The following ARHGEF26 variants were observed in gnomAD, a reference collection of about 807,000 sequenced individuals.
ARHGEF26 encodes Rho guanine nucleotide exchange factor (GEF) 26.
ARHGEF26 carries 59 observed loss-of-function variants against 89.4 expected under a neutral mutation model. The ratio of observed to expected loss-of-function variants is 0.66; its 90% confidence interval spans 0.54 to 0.82. The LOEUF (loss-of-function observed/expected upper bound fraction) is 0.82. ARHGEF26 is among the 40% of genes least tolerant of loss of function. ARHGEF26 has a pLI of 0.00. For synonymous variants in ARHGEF26, 500 were observed against 428.4 expected (o/e 1.17, Z -2.06); for missense variants, 1,234 against 1,085.6 (o/e 1.14, Z -1.92).
At position 154,144,809 on chromosome 3, in the gene ARHGEF26, A is replaced by G. The variant is rs1018543354; in HGVS notation, c.1270-4580A>G. Among the ~76,000 whole-genome samples, 29 of 152,242 alleles carry G rather than the reference A, an allele frequency of 1.9e-4. 1 individual carries two copies. Among genetic ancestry groups the G allele is most frequent in the Non-Finnish European group, 1.5e-5 (1 of 68,050 alleles). ...ACACTTTTTTGAGGATTATAGAATT[A>G]AGCTTAACAATAGGACATCAGAGAG... On this transcript the variant is annotated intron_variant, in intron 4 of 14. Transcript: ENST00000465093.
intron 12 of ARHGEF26, among the ~76,000 whole-genome samples, chr3:154,240,838 T>G (rs1419447519): frequency 6.6e-6 from 1 of 152,208 alleles, no homozygotes; most frequent in African/African-American, 2.4e-5. Context: ...GTCTTTATTT[T>G]TATAGAGTGG....
At chr3:154,249,656 T>G (rs1199897506) in intron 12 of ARHGEF26, among the ~76,000 whole-genome samples, 1 of 152,156 alleles carries the variant, frequency 6.6e-6, no homozygotes, top group African/African-American at 2.4e-5. Context: ...GTATTTGCTG[T>G]GCACCTCTCC....
intron 2 of ARHGEF26, among the ~76,000 whole-genome samples, chr3:154,123,619 A>C (rs1048678298): frequency 2.0e-5 from 3 of 152,204 alleles, no homozygotes; most frequent in African/African-American, 7.2e-5. Flanking sequence ...AGTTGCCAGG[A>C]TCACAAAAGA....
At chr3:154,125,500 A>G (rs913419869) in intron 3 of ARHGEF26, among the ~76,000 whole-genome samples, 2 of 152,192 alleles carry the variant, frequency 1.3e-5, no homozygotes, top group Non-Finnish European at 2.9e-5. Context: ...CACAGCCAGT[A>G]GTAGGACACA....
chr3:154,199,834 A>G (rs1714518824), intron 9 of ARHGEF26, among the ~76,000 whole-genome samples: 2 of 152,020 alleles, frequency 1.3e-5, no homozygotes, highest in African/African-American at 2.4e-5. Flanking sequence ...ACCTTTTCAT[A>G]TGCCTGTTTG....
At chr3:154,220,682 A>T (rs1045988176) in intron 10 of ARHGEF26, among the ~76,000 whole-genome samples, 9 of 152,102 alleles carry the variant, frequency 5.9e-5, no homozygotes, top group African/African-American at 2.2e-4. Context: ...GTCATTTGGG[A>T]GCCACCGAAA....
chr3:154,175,981 C>T (rs1712794115), intron 6 of ARHGEF26, among the ~76,000 whole-genome samples: 1 of 152,148 alleles, frequency 6.6e-6, no homozygotes, highest in African/African-American at 2.4e-5. Flanking sequence ...GCACAGGTGC[C>T]AGGGCATTTT....
intron 6 of ARHGEF26, among the ~76,000 whole-genome samples, chr3:154,171,183 A>G (rs1457924985): frequency 1.3e-5 from 2 of 152,306 alleles, no homozygotes; most frequent in East Asian, 1.9e-4. Flanking sequence ...TAGCCAGGAA[A>G]GACTTGTGGG....
intron 6 of ARHGEF26, 113 bp downstream of exon 6, chr3:154,153,045 T>C: frequency 1.0e-6 from 1 of 975,132 alleles, no homozygotes; most frequent in Non-Finnish European, 1.4e-6. Context: ...CAGTTGGCTT[T>C]TGTCTTGATT....
chr3:154,240,187 G>T (rs991081371), intron 11 of ARHGEF26, among the ~76,000 whole-genome samples, 183 bp from the exon 12 acceptor site: 1 of 152,062 alleles, frequency 6.6e-6, no homozygotes, highest in East Asian at 1.9e-4. Context: ...AATTGGAGGG[G>T]GTTACATTGA....
chr3:154,198,316 T>C (rs1046821023), intron 9 of ARHGEF26, among the ~76,000 whole-genome samples: 1 of 152,190 alleles, frequency 6.6e-6, no homozygotes, highest in African/African-American at 2.4e-5. Context: ...GAAAACAGTA[T>C]GGAGATTCCT....
chr3:154,249,722 C>T (rs1201044790), intron 12 of ARHGEF26, among the ~76,000 whole-genome samples: 2 of 152,100 alleles, frequency 1.3e-5, no homozygotes, highest in South Asian at 2.1e-4. Flanking sequence ...AGTGGTAAGG[C>T]GAGTCTTCAA....
At chr3:154,144,772 C>T (rs1257299474) in intron 4 of ARHGEF26, among the ~76,000 whole-genome samples, 1 of 152,136 alleles carries the variant, frequency 6.6e-6, no homozygotes, top group African/African-American at 2.4e-5. Context: ...CTTGCTATTT[C>T]TTGAGATTCA....
At chr3:154,123,883 C>A (rs1167928584) in intron 2 of ARHGEF26, among the ~76,000 whole-genome samples, 1 of 149,280 alleles carries the variant, frequency 6.7e-6, no homozygotes, top group Non-Finnish European at 1.5e-5. Flanking sequence ...GTGTGTGCTT[C>A]CTTCCACAGA....
intron 3 of ARHGEF26, among the ~76,000 whole-genome samples, chr3:154,125,486 GT>G (rs1184642468): frequency 6.6e-6 from 1 of 151,672 alleles, no homozygotes; most frequent in African/African-American, 2.4e-5. Flanking sequence ...GTCACACCTA[GT>G]TACACAGCCA....
Position 154,239,289 on chromosome 3 carries a change from A to T in ARHGEF26, c.2091-1081A>T, listed in dbSNP as rs1212635957. Among the ~76,000 whole-genome samples, 499 of 103,482 alleles carry T rather than the reference A, an allele frequency of 4.8e-3. 3 individuals are homozygous for T. The highest frequency in any genetic ancestry group is 0.019 in the East Asian group (65 of 3,360). 67.9% of individuals were successfully genotyped at this position (103,482 alleles called of 152,430 possible). A position where few individuals can be genotyped will look rare whatever the true frequency, so the allele number is the denominator to read the frequency against. Reference sequence around the variant, plus strand: ...GAGAGAGAGAGAGAGAGAGAGAGAGAGAGAGAGAGAGTGTGTGTGTGTGTG... The same window carrying T: ...GAGAGAGAGAGAGAGAGAGAGAGAGTGAGAGAGAGAGTGTGTGTGTGTGTG... On this transcript the variant is annotated intron_variant, in intron 11 of 14. Transcript: ENST00000465093.
chr3:154,134,350 T>C (rs1718875270), intron 4 of ARHGEF26, among the ~76,000 whole-genome samples: 1 of 152,124 alleles, frequency 6.6e-6, no homozygotes, highest in South Asian at 2.1e-4. Flanking sequence ...TGGGGAGGAC[T>C]CTGGGGAGGC....
chr3:154,164,279 G>C (rs1576723076), intron 6 of ARHGEF26, among the ~76,000 whole-genome samples: 2 of 151,988 alleles, frequency 1.3e-5, no homozygotes. Context: ...TATATGCTAA[G>C]AAGAAGGTGA....
At chr3:154,231,620 A>G (rs188725252) in intron 11 of ARHGEF26, among the ~76,000 whole-genome samples, 29 of 152,274 alleles carry the variant, frequency 1.9e-4, no homozygotes, top group South Asian at 1.2e-3. Context: ...CCGTAAATCA[A>G]ATTATTGCCC....
Sources: allele counts gnomAD v4.1 joint callset (sites outside exome capture counted in the v4.1 genomes callset), GRCh38; gene constraint gnomAD v4.1.1; transcripts MANE v1.5; gene names NCBI Gene and HGNC (gene_info 2026-07-23, HGNC 2026-07-21).